RNF185: variants seen among roughly 807,000 people sequenced by gnomAD.
RNF185 encodes E3 ubiquitin-protein ligase RNF185.
In RNF185, 13 loss-of-function variants were observed where a neutral mutation model predicts 24.9. The observed-to-expected ratio is 0.52, with a 90% CI of 0.34 to 0.83. The LOEUF is 0.83. Ranked by LOEUF, RNF185 falls within the 40% of genes least tolerant of loss-of-function variation. The pLI, the probability that RNF185 is intolerant of heterozygous loss-of-function variation, is 0.01. For missense variants in RNF185, 184 were observed against 244.7 expected, an observed-to-expected ratio of 0.75 and a Z score of 1.65; for synonymous variants, 79 against 90.3, an observed-to-expected ratio of 0.88 and a Z score of 0.71.
chr22:31,184,920 G>A (rs1206142848), intron 1 of RNF185, among the ~76,000 whole-genome samples: 1 of 139,180 alleles, frequency 7.2e-6, no homozygotes. Context: ...GGGAGACGAG[G>A]ACCGTGCAAA....
intron 5 of RNF185, among the ~76,000 whole-genome samples, chr22:31,200,040 A>C (rs1410169354): frequency 6.6e-6 from 1 of 152,174 alleles, no homozygotes; most frequent in African/African-American, 2.4e-5. Flanking sequence ...AGAAAAAAAT[A>C]TTTGAAAGAT....
intron 1 of RNF185, among the ~76,000 whole-genome samples, chr22:31,168,999 C>T (rs1373254812): frequency 6.6e-6 from 1 of 152,090 alleles, no homozygotes; most frequent in Non-Finnish European, 1.5e-5. Context: ...CCTCCACCTC[C>T]TGGGTTCAAG....
intron 1 of RNF185, among the ~76,000 whole-genome samples, chr22:31,177,607 G>A (rs190875185): frequency 9.8e-4 from 149 of 152,256 alleles, no homozygotes; most frequent in African/African-American, 3.4e-3. Context: ...CCTACGTGTG[G>A]TCCAGCAGCA....
chr22:31,191,295 A>C (rs549869969), intron 2 of RNF185, among the ~76,000 whole-genome samples: 1 of 152,298 alleles, frequency 6.6e-6, no homozygotes, highest in East Asian at 1.9e-4. Flanking sequence ...CTCAGTTTAG[A>C]ATGACATTGC....
chr22:31,181,179 A>G lies in RNF185; in HGVS notation c.-48-5868A>G, dbSNP rs1199445551. On this transcript the variant is annotated intron_variant, in intron 1 of 6. Coordinates refer to ENST00000326132, the MANE Select transcript of RNF185 (RefSeq NM_152267.4). ...CCTGGGCAACATAGACCTTGTTTCT[A>G]CAAAATAATTTAAAAATTAGCTGAG... Among the ~76,000 whole-genome samples, 4 of 151,666 alleles carry G rather than the reference A, an allele frequency of 2.6e-5. No homozygotes were observed. In the East Asian group the frequency reaches 7.7e-4, roughly 29 times the overall value.
chr22:31,164,975 A>G (rs1602781668), intron 1 of RNF185, among the ~76,000 whole-genome samples: 2 of 150,804 alleles, frequency 1.3e-5, no homozygotes, highest in African/African-American at 2.4e-5. Flanking sequence ...CAGTGGCGCA[A>G]TCTTGGCTCA....
chr22:31,166,582 C>CTTT (rs397731724), intron 1 of RNF185, among the ~76,000 whole-genome samples: 1 of 90,984 alleles, frequency 1.1e-5, no homozygotes, highest in Admixed American at 1.0e-4. Context: ...TCTTCTTCTT[C>CTTT]CCCTTCCCCT....
At chr22:31,177,632 G>A (rs1261779528) in intron 1 of RNF185, among the ~76,000 whole-genome samples, 1 of 152,188 alleles carries the variant, frequency 6.6e-6, no homozygotes, top group Admixed American at 6.5e-5. Flanking sequence ...AATGAGCAGC[G>A]TAGACAGGCT....
intron 1 of RNF185, among the ~76,000 whole-genome samples, chr22:31,160,904 G>C (rs1923531563): frequency 6.6e-6 from 1 of 152,174 alleles, no homozygotes; most frequent in South Asian, 2.1e-4. Flanking sequence ...ATGCGTAGGG[G>C]GGTCCTGTAT....
chr22:31,160,659 G>C (rs141897040), intron 1 of RNF185, among the ~76,000 whole-genome samples: 218 of 152,250 alleles, frequency 1.4e-3, no homozygotes, highest in African/African-American at 4.7e-3. Context: ...CGGGGAGCGC[G>C]GTGAACAGAG....
intron 4 of RNF185, among the ~76,000 whole-genome samples, chr22:31,195,862 G>A (rs2048200571): frequency 6.6e-6 from 1 of 152,196 alleles, no homozygotes; most frequent in Admixed American, 6.5e-5. Context: ...TAGCAGGAGA[G>A]GCTCCAGGGA....
chr22:31,187,865 GA>G (rs2048114877), intron 2 of RNF185, among the ~76,000 whole-genome samples: 1 of 152,148 alleles, frequency 6.6e-6, no homozygotes, highest in Non-Finnish European at 1.5e-5. Context: ...ACGGTTACAG[GA>G]GCCCTTTCTG....
In RNF185 at chr22:31,168,930, CAG is replaced by C. The variant is rs1187738736; in HGVS notation, c.-49+8630_-49+8631del. Among the ~76,000 whole-genome samples the C allele has an allele frequency of 5.3e-5, 8 of 152,110 alleles. No homozygotes were observed. The East Asian group carries it at 7.7e-4, about 15-fold the overall frequency. On this transcript the variant is annotated intron_variant, in intron 1 of 6. Coordinates refer to ENST00000326132, the MANE Select transcript of RNF185 (RefSeq NM_152267.4). ...CACCCTTTAAAAATTTTTTTTGAGA[CAG>C]AGTCTCTCTCTCTCTTGCCCAGGCT...
intron 6 of RNF185, among the ~76,000 whole-genome samples, chr22:31,203,898 G>A (rs1228605479): frequency 1.3e-5 from 2 of 151,752 alleles, no homozygotes; most frequent in Admixed American, 6.6e-5. Flanking sequence ...AAAATTAGCC[G>A]GGTGTGGTGG....
At chr22:31,176,043 G>A (rs1290235074) in intron 1 of RNF185, among the ~76,000 whole-genome samples, 4 of 151,742 alleles carry the variant, frequency 2.6e-5, no homozygotes, top group African/African-American at 7.2e-5. Context: ...GATTACAGAT[G>A]TGAGCCACCA....
intron 1 of RNF185, among the ~76,000 whole-genome samples, chr22:31,160,860 C>G (rs1280815169): frequency 6.6e-6 from 1 of 152,184 alleles, no homozygotes; most frequent in African/African-American, 2.4e-5. Context: ...CAGCGCGGGA[C>G]TCAATTCAGA....
chr22:31,170,392 A>G (rs5997896), intron 1 of RNF185, among the ~76,000 whole-genome samples: 96,232 of 152,042 alleles, frequency 0.63, 31,736 homozygotes, highest in African/African-American at 0.75. Context: ...AGGTTTCACC[A>G]TGTTAGCCAG....
At chr22:31,198,987 C>T (rs2048236117) in intron 5 of RNF185, among the ~76,000 whole-genome samples, 1 of 150,914 alleles carries the variant, frequency 6.6e-6, no homozygotes, top group Admixed American at 6.6e-5. Flanking sequence ...GTAGTCCCAG[C>T]TACTCGGGAG....
intron 1 of RNF185, among the ~76,000 whole-genome samples, chr22:31,180,648 C>T (rs540123911): frequency 1.3e-5 from 2 of 152,034 alleles, no homozygotes; most frequent in East Asian, 3.9e-4. Context: ...ACCTTGGCCT[C>T]CCAAAGTACT....
Sources: gnomAD v4.1 joint callset for allele counts (sites outside exome capture counted in the v4.1 genomes callset) on GRCh38, gnomAD v4.1.1 for gene constraint, MANE v1.5 for transcripts, NCBI Gene and HGNC (gene_info 2026-07-23, HGNC 2026-07-21) for gene names.